SUZ12: variants seen among roughly 807,000 people sequenced by gnomAD.
SUZ12 encodes the protein SUZ12 polycomb repressive complex 2 subunit, also known as polycomb protein SUZ12.
Under a neutral mutation model 87.3 loss-of-function variants are expected in SUZ12, and 17 were observed. The observed-to-expected ratio is 0.19, with a 90% confidence interval of 0.13 to 0.29. The LOEUF (loss-of-function observed/expected upper bound fraction) is 0.29. Ranked by LOEUF, SUZ12 falls within the 10% of genes least tolerant of loss-of-function variation. The pLI is 1.00. For synonymous variants in SUZ12, 253 were observed against 312.4 expected, an observed-to-expected ratio of 0.81 and a Z score of 2.01; for missense variants, 526 against 912.2, an observed-to-expected ratio of 0.58 and a Z score of 5.45.
intron 1 of SUZ12, among the ~76,000 whole-genome samples, chr17:31,939,523 A>AT (rs200521374): frequency 0.02 from 2,868 of 140,370 alleles, 44 homozygotes; most frequent in African/African-American, 0.049. Context: ...GCTGACTACA[A>AT]TTTTTTTTTT....
chr17:31,950,407 G>A (rs1319696037), intron 4 of SUZ12, among the ~76,000 whole-genome samples: 1 of 152,052 alleles, frequency 6.6e-6, no homozygotes, highest in African/African-American at 2.4e-5. Context: ...AACACAGGCC[G>A]GGCATAGTGG....
chr17:31,961,350 C>G (rs1907700768), intron 4 of SUZ12, among the ~76,000 whole-genome samples: 1 of 152,146 alleles, frequency 6.6e-6, no homozygotes, highest in Non-Finnish European at 1.5e-5. Flanking sequence ...AGTTCTAGAC[C>G]AGCCTGGCCA....
rs752339174 is a variant in SUZ12, at chr17:31,994,026, T to C, written c.1437+18T>C. ...ACTATGTTGTGAGTAATTTTTCATATTTTCTCAATTTGTGTTAAGAAATCT... is the reference window on the plus strand; with the variant it reads ...ACTATGTTGTGAGTAATTTTTCATACTTTCTCAATTTGTGTTAAGAAATCT... On this transcript the variant is annotated intron_variant, in intron 12 of 15. Coordinates refer to ENST00000322652, the MANE Select transcript of SUZ12 (RefSeq NM_015355.4). The C allele has an allele frequency of 5.0e-6, 8 of 1,606,616 alleles. No individual in the cohort carries two copies. The African/African-American group carries it at 8.0e-5, about 16-fold the overall frequency.
At chr17:31,995,272 A>G (rs1403087048) in intron 13 of SUZ12, among the ~76,000 whole-genome samples, 1 of 152,208 alleles carries the variant, frequency 6.6e-6, no homozygotes, top group Non-Finnish European at 1.5e-5. Context: ...TTATATGCAT[A>G]TTCCTATCTG....
chr17:31,942,939 C>T (rs959614887), intron 3 of SUZ12, among the ~76,000 whole-genome samples: 10 of 152,090 alleles, frequency 6.6e-5, no homozygotes, highest in Non-Finnish European at 1.3e-4. Context: ...CAAGTTATCT[C>T]GATAGAGTTT....
At chr17:31,971,133 T>C (rs1323254176) in intron 5 of SUZ12, among the ~76,000 whole-genome samples, 1 of 152,200 alleles carries the variant, frequency 6.6e-6, no homozygotes, top group Non-Finnish European at 1.5e-5. Context: ...TGTTATCCCA[T>C]TTAAACTGTA....
At chr17:31,952,408 G>C (rs1907042511) in intron 4 of SUZ12, among the ~76,000 whole-genome samples, 2 of 152,102 alleles carry the variant, frequency 1.3e-5, no homozygotes, top group South Asian at 4.1e-4. Flanking sequence ...ATCCTTTCCA[G>C]CTCTTGTTTC....
At chr17:31,985,859 C>T (rs1909380496) in intron 9 of SUZ12, among the ~76,000 whole-genome samples, 1 of 152,068 alleles carries the variant, frequency 6.6e-6, no homozygotes, top group South Asian at 2.1e-4. Context: ...GATGGAGTTT[C>T]ACCATGTTGG....
At chr17:31,955,974 C>T (rs375810321) in intron 4 of SUZ12, among the ~76,000 whole-genome samples, 3 of 151,436 alleles carry the variant, frequency 2.0e-5, no homozygotes, top group Admixed American at 6.6e-5. Context: ...TGCAGTGGTG[C>T]GATCTCGGCC....
At chr17:31,947,872 C>T (rs1220041381) in intron 4 of SUZ12, among the ~76,000 whole-genome samples, 187 bp downstream of exon 4, 2 of 152,064 alleles carry the variant, frequency 1.3e-5, no homozygotes, top group African/African-American at 2.4e-5. Flanking sequence ...AATACTTAAG[C>T]TGTGGCTTGA....
intron 4 of SUZ12, among the ~76,000 whole-genome samples, chr17:31,957,989 G>A (rs1205697354): frequency 7.2e-6 from 1 of 139,270 alleles, no homozygotes; most frequent in East Asian, 2.2e-4. Context: ...TGCAAGTTCT[G>A]CCTCCCGGGT....
intron 8 of SUZ12, among the ~76,000 whole-genome samples, chr17:31,976,983 A>G (rs1254769602): frequency 6.6e-6 from 1 of 152,228 alleles, no homozygotes; most frequent in African/African-American, 2.4e-5. Context: ...CTTAGTGATG[A>G]GTGTTGTGAA....
At chr17:31,983,293 T>TTTTTTTGG (rs1909218565) in intron 9 of SUZ12, among the ~76,000 whole-genome samples, 189 bp downstream of exon 9, 1 of 146,914 alleles carries the variant, frequency 6.8e-6, no homozygotes, top group African/African-American at 2.5e-5. Context: ...TTTTTTTTTT[T>TTTTTTTGG]GAGGGGGAGT....
chr17:31,953,293 G>A (rs1907095784), intron 4 of SUZ12, among the ~76,000 whole-genome samples: 2 of 151,976 alleles, frequency 1.3e-5, no homozygotes, highest in Admixed American at 1.3e-4. Context: ...TTGTTTTCCA[G>A]TAGAGACAGG....
chr17:31,990,400 C>T (rs1909661656), intron 10 of SUZ12, among the ~76,000 whole-genome samples: 2 of 151,960 alleles, frequency 1.3e-5, no homozygotes, highest in East Asian at 1.9e-4. Context: ...TGTGAGCCAC[C>T]GCGCCCAGGC....
At chr17:31,958,397 A>G (rs1235941430) in intron 4 of SUZ12, among the ~76,000 whole-genome samples, 1 of 152,150 alleles carries the variant, frequency 6.6e-6, no homozygotes, top group African/African-American at 2.4e-5. Flanking sequence ...TCTATTTTGT[A>G]CATTTAGCTG....
intron 6 of SUZ12, 57 bp from the exon 7 acceptor site, chr17:31,975,425 A>T (rs1038006682): frequency 8.2e-7 from 1 of 1,220,072 alleles, no homozygotes; most frequent in African/African-American, 1.5e-5. Context: ...AAGTTTTATT[A>T]TAATTCTTAT....
chr17:31,949,377 A>G (rs543973451), intron 4 of SUZ12, among the ~76,000 whole-genome samples: 4 of 152,272 alleles, frequency 2.6e-5, no homozygotes, highest in African/African-American at 9.6e-5. Flanking sequence ...TTTAGGGTCT[A>G]GCTAGGACCA....
At chr17:31,988,007 T>C (rs1486911120) in intron 9 of SUZ12, among the ~76,000 whole-genome samples, 1 of 152,204 alleles carries the variant, frequency 6.6e-6, no homozygotes, top group Non-Finnish European at 1.5e-5. Context: ...ATGATAACTT[T>C]GATTTCTGAC....
Sources: gnomAD v4.1 joint callset for allele counts (sites outside exome capture counted in the v4.1 genomes callset) on GRCh38, gnomAD v4.1.1 for gene constraint, MANE v1.5 for transcripts, NCBI Gene and HGNC (gene_info 2026-07-23, HGNC 2026-07-21) for gene names.